TTC28: variants seen among roughly 807,000 people sequenced by gnomAD.
TTC28 encodes the protein tetratricopeptide repeat protein 28.
A neutral mutation model predicts 198.0 loss-of-function variants in TTC28; 61 were observed. That is an observed-to-expected ratio of 0.31 (90% CI 0.25 to 0.38). The LOEUF is 0.38. Among genes scored for constraint, TTC28 ranks in the 10% least tolerant of loss-of-function variants. The probability of loss-of-function intolerance (pLI) is 1.00; values close to 1 mark genes in which losing one functional copy is unlikely to be tolerated. For synonymous variants in TTC28, 1,171 were observed against 1,297.8 expected (o/e 0.90, Z 2.10); for missense variants, 2,678 against 3,164.0 (o/e 0.85, Z 3.69).
At chr22:28,228,637 T>C (rs1262115765) in intron 5 of TTC28, among the ~76,000 whole-genome samples, 2 of 151,250 alleles carry the variant, frequency 1.3e-5, no homozygotes. Flanking sequence ...GGGGCAGAGG[T>C]TGCAGTGAGC....
At chr22:28,129,823 T>C (rs1943014641) in intron 6 of TTC28, among the ~76,000 whole-genome samples, 1 of 152,154 alleles carries the variant, frequency 6.6e-6, no homozygotes, top group South Asian at 2.1e-4. Flanking sequence ...GAACTTAATG[T>C]GAGTAAGAAT....
intron 6 of TTC28, among the ~76,000 whole-genome samples, chr22:28,118,694 G>A (rs908773676): frequency 1.3e-5 from 2 of 152,074 alleles, no homozygotes; most frequent in African/African-American, 2.4e-5. Context: ...TGAAGAAATT[G>A]CCGAATGATG....
chr22:28,033,527 C>T (rs565786252), intron 12 of TTC28, among the ~76,000 whole-genome samples: 2 of 152,284 alleles, frequency 1.3e-5, no homozygotes, highest in South Asian at 2.1e-4. Context: ...GCCTTCAAGG[C>T]TCTTACTATC....
chr22:28,640,517 A>G (rs2051347569), intron 1 of TTC28, among the ~76,000 whole-genome samples: 1 of 151,682 alleles, frequency 6.6e-6, no homozygotes, highest in Non-Finnish European at 1.5e-5. Context: ...ATTCAACTCC[A>G]AGATACCACA....
intron 5 of TTC28, among the ~76,000 whole-genome samples, chr22:28,240,062 G>GTATTTC (rs1465425344): frequency 9.2e-5 from 14 of 152,330 alleles, no homozygotes; most frequent in African/African-American, 3.1e-4. Context: ...GAATGAATCT[G>GTATTTC]ACTGTATTTC....
At chr22:28,273,667 T>A (rs1230657900) in intron 5 of TTC28, among the ~76,000 whole-genome samples, 2 of 151,982 alleles carry the variant, frequency 1.3e-5, no homozygotes, top group Non-Finnish European at 2.9e-5. Context: ...CAGGAAGAAA[T>A]GGAGCTGAAG....
At chr22:28,007,595 A>G (rs1937979137) in intron 14 of TTC28, 1 of 152,214 alleles carries the variant, frequency 6.6e-6, no homozygotes, top group Non-Finnish European at 1.5e-5. Context: ...TGCAGTGGGC[A>G]GGGTTGGAGG....
intron 2 of TTC28, among the ~76,000 whole-genome samples, chr22:28,471,754 G>C (rs1394750907): frequency 6.6e-6 from 1 of 152,116 alleles, no homozygotes. Context: ...AGAAGCAGTG[G>C]AGTGTGATTT....
chr22:27,984,540 G>A (rs954433905), intron 22 of TTC28, among the ~76,000 whole-genome samples: 7 of 151,856 alleles, frequency 4.6e-5, no homozygotes, highest in African/African-American at 7.3e-5. Flanking sequence ...CATGCACCCC[G>A]GGTGATGCCA....
At chr22:28,270,085 T>A (rs932029058) in intron 5 of TTC28, among the ~76,000 whole-genome samples, 1 of 151,924 alleles carries the variant, frequency 6.6e-6, no homozygotes, top group African/African-American at 2.4e-5. Context: ...CCCCAGGGGG[T>A]CCTGACAACA....
intron 2 of TTC28, among the ~76,000 whole-genome samples, chr22:28,313,920 T>G (rs1410069774): frequency 1.3e-5 from 2 of 152,180 alleles, no homozygotes; most frequent in Non-Finnish European, 2.9e-5. Context: ...GGAGGTCAAA[T>G]TGTCTCTGTT....
intron 2 of TTC28, among the ~76,000 whole-genome samples, chr22:28,434,949 C>T (rs1411158788): frequency 6.6e-6 from 1 of 152,188 alleles, no homozygotes; most frequent in African/African-American, 2.4e-5. Flanking sequence ...AATATTACCT[C>T]TCACAAAGTA....
intron 2 of TTC28, chr22:28,460,005 T>A (rs994538052): frequency 6.6e-6 from 1 of 152,138 alleles, no homozygotes; most frequent in African/African-American, 2.4e-5. Flanking sequence ...CACTTAAAAA[T>A]AGTTAAGATG....
At chr22:28,454,646 T>G (rs2047831214) in intron 2 of TTC28, among the ~76,000 whole-genome samples, 1 of 152,222 alleles carries the variant, frequency 6.6e-6, no homozygotes, top group Non-Finnish European at 1.5e-5. Context: ...ACTCCAATAG[T>G]GTCACTTTCT....
intron 1 of TTC28, among the ~76,000 whole-genome samples, chr22:28,639,474 T>C (rs1444231495): frequency 6.6e-6 from 1 of 152,220 alleles, no homozygotes; most frequent in Non-Finnish European, 1.5e-5. Context: ...AGTTGTGTAC[T>C]GATATGGTTT....
intron 1 of TTC28, among the ~76,000 whole-genome samples, chr22:28,633,785 G>A (rs1207686451): frequency 6.6e-6 from 1 of 152,164 alleles, no homozygotes; most frequent in Admixed American, 6.5e-5. Flanking sequence ...TAGGTCCTCA[G>A]GAGACAAGGA....
chr22:28,128,267 G>A (rs1460642439), intron 6 of TTC28, among the ~76,000 whole-genome samples: 1 of 151,898 alleles, frequency 6.6e-6, no homozygotes. Flanking sequence ...GCAGTGAGCC[G>A]AGATTGCGCC....
chr22:28,330,347 A>G (rs1475825788), intron 2 of TTC28, among the ~76,000 whole-genome samples: 1 of 152,186 alleles, frequency 6.6e-6, no homozygotes, highest in African/African-American at 2.4e-5. Flanking sequence ...TGCTGCACAA[A>G]GACAGCACCA....
At chr22:28,142,092 T>A (rs1943349311) in intron 6 of TTC28, among the ~76,000 whole-genome samples, 1 of 152,224 alleles carries the variant, frequency 6.6e-6, no homozygotes, top group African/African-American at 2.4e-5. Context: ...ATGTGAGACT[T>A]AACATTCACT....
Sources: allele counts gnomAD v4.1 joint callset (sites outside exome capture counted in the v4.1 genomes callset), GRCh38; gene constraint gnomAD v4.1.1; transcripts MANE v1.5; gene names NCBI Gene and HGNC (gene_info 2026-07-23, HGNC 2026-07-21).